The following GRM4 variants were observed in gnomAD, a reference collection of about 807,000 sequenced individuals.
GRM4 encodes the protein glutamate metabotropic receptor 4, also known as metabotropic glutamate receptor 4.
In GRM4, 28 loss-of-function variants were observed where a neutral mutation model predicts 81.7. The ratio of observed to expected loss-of-function variants is 0.34; its 90% confidence interval spans 0.25 to 0.47. The LOEUF (loss-of-function observed/expected upper bound fraction) is 0.47, where lower values mean the gene tolerates loss of function less well. Among genes scored for constraint, GRM4 ranks in the 20% least tolerant of loss-of-function variants. The probability of loss-of-function intolerance (pLI) is 1.00; values close to 1 mark genes in which losing one functional copy is unlikely to be tolerated. For synonymous variants in GRM4, 488 were observed against 528.8 expected, an observed-to-expected ratio of 0.92 and a Z score of 1.06; for missense variants, 948 against 1,290.0, an observed-to-expected ratio of 0.73 and a Z score of 4.06.
Position 34,155,232 on chromosome 6 carries a change from G to T in GRM4, c.159C>A (p.Cys53Ter). 1 of 1,535,464 alleles carries T rather than the reference G, an allele frequency of 6.5e-7. No homozygotes were observed. The highest frequency in any genetic ancestry group is 8.7e-7 in the Non-Finnish European group (1 of 1,146,610). Residue 53 changes from cysteine to a stop codon, truncating the protein, a stop_gained, in exon 1 of 9, where the codon TGC becomes TGA. Transcript: ENST00000374177. LOFTEE classifies it high-confidence loss of function. ...CTCTTGTGCGCACCCACACACACCGGCAAAATCCAAAGGACCTGGGCGGGA... is the reference window on the plus strand; with the variant it reads ...CTCTTGTGCGCACCCACACACACCGTCAAAATCCAAAGGACCTGGGCGGGA...
chr6:34,144,038 C>A (rs1032018103), intron 1 of GRM4, among the ~76,000 whole-genome samples: 14 of 152,240 alleles, frequency 9.2e-5, no homozygotes, highest in Non-Finnish European at 1.9e-4. Flanking sequence ...CGCGTTCTCC[C>A]GCGCCAGGGG....
chr6:34,077,173 CCCCACATGT>C (rs1206931809), intron 3 of GRM4, among the ~76,000 whole-genome samples: 2 of 152,228 alleles, frequency 1.3e-5, no homozygotes, highest in East Asian at 1.9e-4. Context: ...CCACATATTT[CCCCACATGT>C]CCCACATGTC....
In GRM4 at chr6:34,059,411, G is replaced by C; in HGVS notation, c.873-283C>G. 2.2e-6 allele frequency: 1 copy of C among 451,598 alleles called. No individual in the cohort carries two copies. The highest frequency in any genetic ancestry group is 3.6e-5 in the Admixed American group (1 of 27,640). The allele number at this position is 451,598 out of a possible 1,614,324, so 28.0% of individuals were successfully genotyped here. ...CCAGGCCTACATCTGTCCCTGCAAA[G>C]ACCACACCTCTCCCCTCCAGATCCA... On this transcript the variant is annotated intron_variant, in intron 4 of 10. Transcript: ENST00000538487. The surrounding 1 kb of genome is among the most constrained non-coding windows in gnomAD (Gnocchi z 5.7).
At chr6:34,065,883 C>T (rs1301097240) in intron 3 of GRM4, among the ~76,000 whole-genome samples, 1 of 152,174 alleles carries the variant, frequency 6.6e-6, no homozygotes, top group African/African-American at 2.4e-5. Context: ...AGACGAGGCT[C>T]TCACCACTGC....
In GRM4 at chr6:34,040,309, C is replaced by A. The variant is rs773484823; in HGVS notation, c.1375G>T (p.Ala459Ser). Reference sequence around the variant, plus strand: ...TCATTGAAGGTCACAGGGTTCCCTGCGATGCCTGTAAGGGTGGGCGGGTGT... The same window carrying A: ...TCATTGAAGGTCACAGGGTTCCCTGAGATGCCTGTAAGGGTGGGCGGGTGT... Reference protein sequence around the residue: ...YIRNVNFSGIAGNPVTFNENG... With the variant: ...YIRNVNFSGISGNPVTFNENG... The change falls in exon 8 of 11, where the codon GCA becomes TCA. Residue 459 changes from alanine (A) to serine (S), a missense_variant. Coordinates refer to ENST00000538487, the MANE Select transcript of GRM4 (RefSeq NM_000841.4). The A allele has an allele frequency of 3.1e-6, 5 of 1,613,978 alleles. No individual in the cohort carries two copies. Among genetic ancestry groups the A allele is most frequent in the Non-Finnish European group, 4.2e-6 (5 of 1,179,952 alleles).
At chr6:34,055,800 T>G (rs945245731) in intron 6 of GRM4, 1 of 152,214 alleles carries the variant, frequency 6.6e-6, no homozygotes, top group Non-Finnish European at 1.5e-5. Flanking sequence ...CAAGTCCCTC[T>G]ACTCACCTCC....
intron 3 of GRM4, among the ~76,000 whole-genome samples, chr6:34,079,653 C>G (rs1767483590): frequency 6.6e-6 from 1 of 152,154 alleles, no homozygotes; most frequent in African/African-American, 2.4e-5. Context: ...ACCAGGACTT[C>G]CCAGAGCAGC....
chr6:34,126,864 G>A (rs1389618958), intron 2 of GRM4, among the ~76,000 whole-genome samples: 1 of 152,204 alleles, frequency 6.6e-6, no homozygotes, highest in Non-Finnish European at 1.5e-5. Context: ...CCTAGCGGGG[G>A]CCAGCTCTGT....
At chr6:34,071,180 C>T (rs924912574) in intron 3 of GRM4, among the ~76,000 whole-genome samples, 2 of 151,326 alleles carry the variant, frequency 1.3e-5, no homozygotes, top group African/African-American at 4.9e-5. Flanking sequence ...TTTCAGACAA[C>T]CCCTAGCCAC....
intron 3 of GRM4, among the ~76,000 whole-genome samples, chr6:34,088,131 CT>C (rs1187745957): frequency 6.6e-6 from 1 of 151,294 alleles, no homozygotes; most frequent in Non-Finnish European, 1.5e-5. Flanking sequence ...CGTTTCACTC[CT>C]TTTTTTTTAA....
At chr6:34,154,590 TACACACAC>T (rs57603011) in intron 1 of GRM4, among the ~76,000 whole-genome samples, 2,347 of 145,060 alleles carry the variant, frequency 0.016, 27 homozygotes, top group Middle Eastern at 0.053. Flanking sequence ...TGGTCCTGAC[TACACACAC>T]ACACACACAC....
chr6:34,123,767 C>T (rs1769909427), intron 2 of GRM4, among the ~76,000 whole-genome samples: 1 of 152,216 alleles, frequency 6.6e-6, no homozygotes, highest in African/African-American at 2.4e-5. Flanking sequence ...CAACAAATGG[C>T]AGAGCAGGGG....
chr6:34,148,494 TA>T (rs1193816623), upstream of GRM4, among the ~76,000 whole-genome samples: 2 of 151,976 alleles, frequency 1.3e-5, no homozygotes, highest in Non-Finnish European at 1.5e-5. Flanking sequence ...CTGGGGGAGC[TA>T]GGGGACCATG....
intron 3 of GRM4, among the ~76,000 whole-genome samples, chr6:34,086,354 CGGAGCAGGA>C (rs1200399765): frequency 2.0e-5 from 3 of 152,154 alleles, no homozygotes; most frequent in Non-Finnish European, 2.9e-5. Context: ...CCCTGGGAGT[CGGAGCAGGA>C]GGTCAGACCC....
chr6:34,116,914 T>C (rs1479104157), intron 2 of GRM4, among the ~76,000 whole-genome samples: 1 of 152,090 alleles, frequency 6.6e-6, no homozygotes, highest in African/African-American at 2.4e-5. Flanking sequence ...AAGCTGGACA[T>C]AAAAACCTTG....
rs568570010 is a variant in GRM4 at position 34,052,762 on chromosome 6, G to A, written c.1168+3782C>T. 2.6e-3 allele frequency among the ~76,000 whole-genome samples: 390 copies of A among 152,272 alleles called. 1 individual carries two copies. Among genetic ancestry groups the A allele is most frequent in the African/African-American group, 9.0e-3 (373 of 41,542 alleles). On this transcript the variant is annotated intron_variant, in intron 6 of 10. Coordinates refer to ENST00000538487, the MANE Select transcript of GRM4 (RefSeq NM_000841.4). Reference sequence around the variant, plus strand: ...AGAGGGGCCCTGGAGGAGTGAGAGGGAAGGAGGGGAAGGGCAGGGGTGGGC... The same window carrying A: ...AGAGGGGCCCTGGAGGAGTGAGAGGAAAGGAGGGGAAGGGCAGGGGTGGGC...
intron 2 of GRM4, chr6:34,100,135 G>T: frequency 1.4e-6 from 1 of 694,720 alleles, no homozygotes; most frequent in Non-Finnish European, 1.8e-6. Flanking sequence ...GCCGGCCTGT[G>T]CTCCAGTGCA....
chr6:34,148,295 G>A (rs1441728240), upstream of GRM4, among the ~76,000 whole-genome samples: 1 of 152,022 alleles, frequency 6.6e-6, no homozygotes, highest in Non-Finnish European at 1.5e-5. Flanking sequence ...GCTGGGGCAC[G>A]CTCTTCTCAC....
intron 2 of GRM4, among the ~76,000 whole-genome samples, chr6:34,126,260 G>C (rs948952385): frequency 9.2e-5 from 14 of 152,348 alleles, no homozygotes; most frequent in Admixed American, 4.6e-4. Flanking sequence ...CTGTGCCTTA[G>C]TTCTCAGTTC....
Sources: gnomAD v4.1 joint callset for allele counts (sites outside exome capture counted in the v4.1 genomes callset) on GRCh38, gnomAD v4.1.1 for gene constraint, Gnocchi (gnomAD v3.1) non-coding constraint, MANE v1.5 for transcripts, NCBI Gene and HGNC (gene_info 2026-07-23, HGNC 2026-07-21) for gene names.